CAMK1D: variants seen among roughly 807,000 people sequenced by gnomAD.
CAMK1D encodes the protein calcium/calmodulin-dependent protein kinase type 1D.
Under a neutral mutation model 47.7 loss-of-function variants are expected in CAMK1D, and 9 were observed. The observed-to-expected ratio is 0.19, with a 90% confidence interval of 0.11 to 0.33. The LOEUF (loss-of-function observed/expected upper bound fraction) is 0.33, where lower values mean the gene tolerates loss of function less well. Ranked by LOEUF, CAMK1D falls within the 10% of genes least tolerant of loss-of-function variation. CAMK1D has a pLI of 1.00. For synonymous variants in CAMK1D, 184 were observed against 184.9 expected (o/e 0.99, Z 0.04); for missense variants, 291 against 488.7 (o/e 0.60, Z 3.81).
chr10:12,572,331 GTC>G (rs773015956), intron 2 of CAMK1D, among the ~76,000 whole-genome samples: 16 of 152,108 alleles, frequency 1.1e-4, no homozygotes, highest in Non-Finnish European at 2.4e-4. Context: ...TCCTCCTTAG[GTC>G]TCTCTCCTGC....
intron 1 of CAMK1D, among the ~76,000 whole-genome samples, chr10:12,526,245 G>A (rs530552963): frequency 1.3e-5 from 2 of 152,308 alleles, no homozygotes; most frequent in South Asian, 4.1e-4. Flanking sequence ...AGTTTTCAAA[G>A]CCTTTGCTAT....
At chr10:12,594,980 G>T (rs1002119061) in intron 2 of CAMK1D, among the ~76,000 whole-genome samples, 1 of 152,136 alleles carries the variant, frequency 6.6e-6, no homozygotes, top group Admixed American at 6.5e-5. Context: ...TTCAAGTGCT[G>T]ACACTGACAA....
chr10:12,547,682 T>TCACACACACACACACACA lies in CAMK1D; in HGVS notation c.93-5541_93-5524dup, dbSNP rs1554786375. ...CACTCTCTCTCTCTCTTTCTCTCTCTCACACACACACACACACACCACTGT... is the reference window on the plus strand; with the variant it reads ...CACTCTCTCTCTCTCTTTCTCTCTCTCACACACACACACACACACACACACACACACACACACCACTGT... On this transcript the variant is annotated intron_variant, in intron 1 of 10. Coordinates refer to ENST00000619168, the MANE Select transcript of CAMK1D (RefSeq NM_153498.4). Among the ~76,000 whole-genome samples, 6 of 116,574 alleles carry TCACACACACACACACACA rather than the reference T, an allele frequency of 5.1e-5. No homozygotes were observed. The South Asian group carries it at 1.3e-3, about 26-fold the overall frequency. 76.5% of individuals were successfully genotyped at this position (116,574 alleles called of 152,430 possible). A position where few individuals can be genotyped will look rare whatever the true frequency, so the allele number is the denominator to read the frequency against.
intron 2 of CAMK1D, among the ~76,000 whole-genome samples, chr10:12,562,214 T>G (rs931158778): frequency 4.6e-5 from 7 of 152,120 alleles, no homozygotes; most frequent in Non-Finnish European, 1.0e-4. Context: ...AGTGAGTGTG[T>G]GCAAAGAAAG....
intron 1 of CAMK1D, among the ~76,000 whole-genome samples, chr10:12,368,109 G>A (rs985429225): frequency 2.6e-5 from 4 of 151,930 alleles, no homozygotes; most frequent in Non-Finnish European, 4.4e-5. Flanking sequence ...GGAGAATGGC[G>A]TGAGCCCGGG....
At chr10:12,667,940 G>A (rs559735748) in intron 3 of CAMK1D, among the ~76,000 whole-genome samples, 1 of 152,326 alleles carries the variant, frequency 6.6e-6, no homozygotes, top group South Asian at 2.1e-4. Flanking sequence ...TATGCCAGAA[G>A]CATATGTATG....
At chr10:12,598,264 C>T (rs1306021504) in intron 2 of CAMK1D, among the ~76,000 whole-genome samples, 2 of 152,182 alleles carry the variant, frequency 1.3e-5, no homozygotes, top group African/African-American at 4.8e-5. Flanking sequence ...CGTGGTAGGA[C>T]ATCATGGCAG....
At chr10:12,723,653 G>T (rs866380035) in intron 3 of CAMK1D, among the ~76,000 whole-genome samples, 1 of 151,896 alleles carries the variant, frequency 6.6e-6, no homozygotes, top group Non-Finnish European at 1.5e-5. Context: ...AAATTGAAAG[G>T]CATTTTTTTC....
intron 6 of CAMK1D, among the ~76,000 whole-genome samples, chr10:12,803,674 A>T (rs1225930546): frequency 6.6e-6 from 1 of 151,994 alleles, no homozygotes; most frequent in Non-Finnish European, 1.5e-5. Flanking sequence ...AATAATAATA[A>T]TAACTATGTG....
intron 1 of CAMK1D, among the ~76,000 whole-genome samples, chr10:12,501,738 G>A (rs74196447): frequency 0.023 from 3,314 of 146,960 alleles, 106 homozygotes; most frequent in East Asian, 0.099. Context: ...GGCGGAGATC[G>A]AGGATGCTGT....
At chr10:12,524,788 A>G (rs545092922) in intron 1 of CAMK1D, among the ~76,000 whole-genome samples, 4 of 152,336 alleles carry the variant, frequency 2.6e-5, no homozygotes, top group African/African-American at 9.6e-5. Flanking sequence ...ATCATTTGTC[A>G]TATTTATCCA....
rs768000055 is a variant in CAMK1D at position 12,427,700 on chromosome 10, GTTTTTTTTTTTT to G, written c.92+77804_92+77815del. ...CTTTCCTGGCTTCACTGAACTTACT[GTTTTTTTTTTTT>G]TTTTTTTTTTTTTGAGACGGAGTCT... is the stretch of plus-strand genomic sequence containing the variant. On this transcript the variant is annotated intron_variant, in intron 1 of 10. Transcript: ENST00000619168. 2.6e-4 allele frequency among the ~76,000 whole-genome samples: 8 copies of G among 31,040 alleles called. 1 individual carries two copies. Among genetic ancestry groups the G allele is most frequent in the South Asian group, 3.5e-3 (2 of 568 alleles). 20.4% of individuals were successfully genotyped at this position (31,040 alleles called of 152,430 possible).
chr10:12,602,599 TC>T (rs557438193), intron 2 of CAMK1D, among the ~76,000 whole-genome samples: 200 of 152,304 alleles, frequency 1.3e-3, no homozygotes, highest in African/African-American at 4.6e-3. Flanking sequence ...GGGCAGCAGA[TC>T]CATTTTATCT....
chr10:12,448,096 C>T (rs1832974451), intron 1 of CAMK1D, among the ~76,000 whole-genome samples: 1 of 152,182 alleles, frequency 6.6e-6, no homozygotes, highest in Non-Finnish European at 1.5e-5. Context: ...TTAAGTGATC[C>T]TCCTGCCTTG....
chr10:12,565,311 C>T (rs1837086629), intron 2 of CAMK1D, among the ~76,000 whole-genome samples: 1 of 152,108 alleles, frequency 6.6e-6, no homozygotes, highest in Admixed American at 6.5e-5. Flanking sequence ...AGTGCAGTGG[C>T]ACGACTCGGC....
chr10:12,478,048 C>T (rs1833953761), intron 1 of CAMK1D, among the ~76,000 whole-genome samples: 1 of 150,812 alleles, frequency 6.6e-6, no homozygotes, highest in Non-Finnish European at 1.5e-5. Context: ...CTCTGTCACC[C>T]AGGCTGGAGT....
chr10:12,657,830 A>G (rs1277511016), intron 2 of CAMK1D, among the ~76,000 whole-genome samples: 1 of 152,230 alleles, frequency 6.6e-6, no homozygotes, highest in Non-Finnish European at 1.5e-5. Context: ...CCTGGATACA[A>G]TGCAGTACAG....
chr10:12,357,805 G>A (rs1266609069), intron 1 of CAMK1D, among the ~76,000 whole-genome samples: 1 of 152,102 alleles, frequency 6.6e-6, no homozygotes. Context: ...ATGCCCCTTT[G>A]ACTTTCTGTG....
intron 1 of CAMK1D, among the ~76,000 whole-genome samples, chr10:12,375,884 C>T (rs368615423): frequency 3.5e-4 from 53 of 152,200 alleles, no homozygotes; most frequent in African/African-American, 1.2e-3. Flanking sequence ...AGCATGCAGC[C>T]GGGCACGGTG....
Sources: gnomAD v4.1 joint callset for allele counts (sites outside exome capture counted in the v4.1 genomes callset) on GRCh38, gnomAD v4.1.1 for gene constraint, MANE v1.5 for transcripts, NCBI Gene and HGNC (gene_info 2026-07-23, HGNC 2026-07-21) for gene names.